The following SLC22A4 variants were observed in gnomAD, a reference collection of about 807,000 sequenced individuals.
SLC22A4 encodes ET transporter.
In SLC22A4, 39 loss-of-function variants were observed where a neutral mutation model predicts 56.6. The ratio of observed to expected loss-of-function variants is 0.69; its 90% confidence interval spans 0.53 to 0.90. The LOEUF is 0.90. Ranked by LOEUF, SLC22A4 falls within the 40% of genes least tolerant of loss-of-function variation. The pLI is 0.00. For missense variants in SLC22A4, 594 were observed against 696.5 expected, an observed-to-expected ratio of 0.85 and a Z score of 1.66; for synonymous variants, 241 against 281.4, an observed-to-expected ratio of 0.86 and a Z score of 1.44.
chr5:132,295,360 C>T, intron 1 of SLC22A4: 1 of 522,262 alleles, frequency 1.9e-6, no homozygotes, highest in Non-Finnish European at 3.8e-6. Context: ...ACCTTCCTGC[C>T]AGGCATGGGA....
chr5:132,316,052 A>G (rs1750345865), intron 3 of SLC22A4, among the ~76,000 whole-genome samples: 2 of 152,164 alleles, frequency 1.3e-5, no homozygotes, highest in South Asian at 4.1e-4. Context: ...TCCAGGTTGT[A>G]TTTGACTAAA....
At chr5:132,313,045 C>T (rs1750226945) in intron 2 of SLC22A4, among the ~76,000 whole-genome samples, 1 of 152,190 alleles carries the variant, frequency 6.6e-6, no homozygotes, top group Admixed American at 6.5e-5. Context: ...AAAGCTACAC[C>T]TTCCCACAGA....
intron 8 of SLC22A4, among the ~76,000 whole-genome samples, chr5:132,337,647 TATTA>T (rs747524315): frequency 8.5e-5 from 13 of 152,214 alleles, no homozygotes; most frequent in South Asian, 2.1e-4. Context: ...CATTCCTATT[TATTA>T]ATTATGAATG....
Position 132,343,842 on chromosome 5 carries a change from A to G in SLC22A4, c.*7A>G. On this transcript the variant is annotated 3_prime_UTR_variant, in exon 10 of 10. Transcript: ENST00000200652. ...TCTAATAACTGCATTCTGAAAAAAT[A>G]TCTACCCCATTTGGTGAAGTGAAAA... The G allele has an allele frequency of 6.4e-7, 1 of 1,561,270 alleles. No individual in the cohort carries two copies. The highest frequency in any genetic ancestry group is 1.1e-5 in the South Asian group (1 of 88,758).
intron 5 of SLC22A4, among the ~76,000 whole-genome samples, chr5:132,328,832 TATATATAC>T (rs1426595588): frequency 1.6e-4 from 6 of 37,848 alleles, no homozygotes; most frequent in South Asian, 4.4e-4. Context: ...TTTATATATA[TATATATAC>T]ACACACACAC....
intron 1 of SLC22A4, among the ~76,000 whole-genome samples, chr5:132,310,064 C>T (rs74445316): frequency 0.022 from 3,311 of 152,304 alleles, 122 homozygotes; most frequent in African/African-American, 0.076. Flanking sequence ...ACTCCTAGTC[C>T]TGGGTAATTG....
rs909508879 is a variant in SLC22A4 at position 132,301,062 on chromosome 5, C to T, written c.393+6053C>T. ...GCCTCCTGCCCTGAGGCTAAAGGAG[C>T]AGGAAGGGCAACAAATGCTCTGCTC... is the stretch of plus-strand genomic sequence containing the variant. On this transcript the variant is annotated intron_variant, in intron 1 of 9. Coordinates refer to ENST00000200652, the MANE Select transcript of SLC22A4 (RefSeq NM_003059.3). 2.0e-5 allele frequency among the ~76,000 whole-genome samples: 3 copies of T among 152,228 alleles called. No homozygotes were observed. The East Asian group carries it at 5.8e-4, about 29-fold the overall frequency.
intron 1 of SLC22A4, among the ~76,000 whole-genome samples, chr5:132,310,095 T>G (rs986159524): frequency 1.3e-5 from 2 of 152,230 alleles, no homozygotes; most frequent in Admixed American, 6.5e-5. Flanking sequence ...TCACATTCCT[T>G]GAAGAAGTGT....
At position 132,294,708 on chromosome 5, in the gene SLC22A4, C is replaced by G. The variant is rs1240790555; in HGVS notation, c.92C>G (p.Pro31Arg). The change falls in exon 1 of 10, where the codon CCC (proline) becomes CGC (arginine). Residue 31 changes from proline (P) to arginine (R), a missense_variant. Transcript: ENST00000200652. This position sits in a 1 kb window ranked among gnomAD's most constrained non-coding sequence, Gnocchi z 5.6. ...TTCCTGCTCAGCGCCAGCATCATCCCCAATGGCTTCAATGGTATGTCAGTC... is the reference window on the plus strand; with the variant it reads ...TTCCTGCTCAGCGCCAGCATCATCCGCAATGGCTTCAATGGTATGTCAGTC... ...IFFLLSASII[P>R]NGFNGMSVVF... The G allele has an allele frequency of 8.1e-6, 13 of 1,614,160 alleles. No homozygotes were observed. Among genetic ancestry groups the G allele is most frequent in the South Asian group, 1.1e-5 (1 of 91,084 alleles).
intron 1 of SLC22A4, among the ~76,000 whole-genome samples, chr5:132,298,621 A>C (rs1400678955): frequency 6.6e-6 from 1 of 152,252 alleles, no homozygotes; most frequent in Admixed American, 6.5e-5. Flanking sequence ...ACTTTATCTC[A>C]GTTTTCAAAA....
At position 132,340,575 on chromosome 5, in the gene SLC22A4, C is replaced by A. The variant is rs775348982; in HGVS notation, c.1455C>A (p.Asn485Lys). The A allele has an allele frequency of 9.3e-6, 15 of 1,614,002 alleles. No individual in the cohort carries two copies. The South Asian group carries it at 1.6e-4, about 18-fold the overall frequency. The change falls in exon 9 of 10, where the codon AAC becomes AAA. Residue 485 changes from asparagine (N) to lysine (K), a missense_variant. By Grantham distance (94) the Asn-to-Lys change is moderately conservative. Coordinates refer to ENST00000200652, the MANE Select transcript of SLC22A4 (RefSeq NM_003059.3). Reference protein sequence around the residue: ...APYFVYLGAYNRMLPYIVMGS... With the variant: ...APYFVYLGAYKRMLPYIVMGS... The stretch of plus-strand genomic sequence containing the variant: ...TCCCGGGCTTTACAGGTGCTTACAA[C>A]AGAATGCTGCCCTACATCGTCATGG...
Position 132,332,060 on chromosome 5 carries a change from T to C in SLC22A4, c.1046+210T>C. ...TGGGCGCAATGGCTTACGCCTGTAA[T>C]TCCAGCACTTTGGGAGGCCAAGGTG... On this transcript the variant is annotated intron_variant, in intron 6 of 9. Coordinates refer to ENST00000200652, the MANE Select transcript of SLC22A4 (RefSeq NM_003059.3). 3 of 514,006 alleles carry C rather than the reference T, an allele frequency of 5.8e-6. No individual in the cohort carries two copies. In the South Asian group the frequency reaches 6.1e-5, roughly 10 times the overall value. 31.8% of individuals were successfully genotyped at this position (514,006 alleles called of 1,614,324 possible).
At chr5:132,295,317 A>T (rs1749756921) in intron 1 of SLC22A4, 4 of 598,346 alleles carry the variant, frequency 6.7e-6, no homozygotes, top group Non-Finnish European at 1.3e-5. Context: ...GGGGAAGCGC[A>T]GCCCCAGGCT....
intron 3 of SLC22A4, among the ~76,000 whole-genome samples, chr5:132,318,001 G>C (rs1452746273): frequency 6.6e-6 from 1 of 152,254 alleles, no homozygotes; most frequent in Non-Finnish European, 1.5e-5. Flanking sequence ...CTCACTGCCT[G>C]GTTGTGCCTC....
At chr5:132,329,510 C>T (rs556149526) in intron 5 of SLC22A4, among the ~76,000 whole-genome samples, 12 of 151,566 alleles carry the variant, frequency 7.9e-5, no homozygotes, top group Non-Finnish European at 1.0e-4. Context: ...TAAGGCACAG[C>T]GAAGTTAAGT....
At chr5:132,333,561 A>C (rs1009920639) in intron 6 of SLC22A4, among the ~76,000 whole-genome samples, 18 of 152,182 alleles carry the variant, frequency 1.2e-4, no homozygotes, top group African/African-American at 4.1e-4. Context: ...TCGCTTGAGG[A>C]AATCTGGGCG....
intron 5 of SLC22A4, among the ~76,000 whole-genome samples, chr5:132,328,823 TTA>T (rs70974032): frequency 0.018 from 2,645 of 145,460 alleles, 64 homozygotes; most frequent in African/African-American, 0.049. Context: ...GGCAGTGCCT[TTA>T]TATATATATA....
chr5:132,314,146 G>A (rs1750266407), intron 3 of SLC22A4, among the ~76,000 whole-genome samples: 2 of 152,184 alleles, frequency 1.3e-5, no homozygotes, highest in South Asian at 4.1e-4. Context: ...CTGGTTGCTT[G>A]TGAAGAGACT....
chr5:132,311,160 A>C (rs1385661657), intron 1 of SLC22A4: 2 of 152,230 alleles, frequency 1.3e-5, no homozygotes, highest in Middle Eastern at 3.2e-3. Context: ...TGGCGAATGC[A>C]GTAAAAGCAG....
Sources: gnomAD v4.1 joint callset for allele counts (sites outside exome capture counted in the v4.1 genomes callset) on GRCh38, gnomAD v4.1.1 for gene constraint, Gnocchi (gnomAD v3.1) non-coding constraint, MANE v1.5 for transcripts, NCBI Gene and HGNC (gene_info 2026-07-23, HGNC 2026-07-21) for gene names.